GRIN3A: variants seen among roughly 807,000 people sequenced by gnomAD.
GRIN3A encodes the protein glutamate ionotropic receptor NMDA type subunit 3A, also known as glutamate receptor ionotropic, NMDA 3A.
In GRIN3A, 47 loss-of-function variants were observed where a neutral mutation model predicts 92.4. The observed-to-expected ratio is 0.51, with a 90% confidence interval of 0.40 to 0.65. GRIN3A has a LOEUF of 0.65. GRIN3A is among the 30% of genes least tolerant of loss of function. The pLI is 0.00. For synonymous variants in GRIN3A, 527 were observed against 540.6 expected (o/e 0.97, Z 0.35); for missense variants, 1,324 against 1,393.1 (o/e 0.95, Z 0.79).
chr9:101,645,060 T>A lies in GRIN3A; in HGVS notation c.2353-16659A>T, dbSNP rs72745364. ...TTTGAAATATAATATAAACTATTGT[T>A]AACTACAGTCACCCTACTGTGCTAC... On this transcript the variant is annotated intron_variant, in intron 3 of 8. Transcript: ENST00000361820. Among the ~76,000 whole-genome samples, 559 of 152,070 alleles carry A rather than the reference T, an allele frequency of 3.7e-3. 3 individuals carry two copies. The highest frequency in any genetic ancestry group is 4.7e-3 in the Non-Finnish European group (321 of 67,880).
intron 8 of GRIN3A, 144 bp downstream of exon 8, chr9:101,577,624 C>T: frequency 1.4e-6 from 1 of 704,794 alleles, no homozygotes; most frequent in South Asian, 1.5e-5. Flanking sequence ...TGTCCATATA[C>T]ATTTTTTATT....
chr9:101,706,370 T>C (rs1329340596), intron 1 of GRIN3A, among the ~76,000 whole-genome samples: 4 of 152,226 alleles, frequency 2.6e-5, no homozygotes, highest in Non-Finnish European at 5.9e-5. Flanking sequence ...ATGACTTCCA[T>C]GGGTGGCCAT....
At chr9:101,623,461 G>A in intron 4 of GRIN3A, 28 bp from the exon 5 acceptor site, 1 of 1,433,690 alleles carries the variant, frequency 7.0e-7, no homozygotes, top group Non-Finnish European at 9.8e-7. Context: ...GGAGAAAAGT[G>A]AAAATGATTC....
At chr9:101,676,231 A>G (rs1015580924) in intron 2 of GRIN3A, among the ~76,000 whole-genome samples, 2 of 151,722 alleles carry the variant, frequency 1.3e-5, no homozygotes, top group Non-Finnish European at 2.9e-5. Context: ...TTCTACTTCA[A>G]TCATTTTTCA....
chr9:101,638,295 A>T (rs1172006103), intron 3 of GRIN3A, among the ~76,000 whole-genome samples: 1 of 152,196 alleles, frequency 6.6e-6, no homozygotes, highest in Non-Finnish European at 1.5e-5. Flanking sequence ...AATCATTGCT[A>T]TTCTGCTGCA....
intron 2 of GRIN3A, among the ~76,000 whole-genome samples, chr9:101,681,609 G>T (rs1427429065): frequency 6.6e-6 from 1 of 152,124 alleles, no homozygotes; most frequent in South Asian, 2.1e-4. Flanking sequence ...TCATTTACAG[G>T]ATCCAAGTCC....
intron 6 of GRIN3A, among the ~76,000 whole-genome samples, chr9:101,585,926 T>C (rs1827945305): frequency 6.6e-6 from 1 of 152,214 alleles, no homozygotes; most frequent in African/African-American, 2.4e-5. Flanking sequence ...TATTTCCTCA[T>C]ATCCTTCTTC....
chr9:101,579,382 A>G (rs779084951), intron 6 of GRIN3A, 22 bp from the exon 7 acceptor site: 49 of 1,613,078 alleles, frequency 3.0e-5, no homozygotes, highest in Non-Finnish European at 4.2e-5. Flanking sequence ...TAGGAAAGAA[A>G]AGGCCATGAA....
chr9:101,591,446 T>A (rs138967611), intron 6 of GRIN3A, among the ~76,000 whole-genome samples: 11 of 152,338 alleles, frequency 7.2e-5, no homozygotes, highest in African/African-American at 2.6e-4. Context: ...TCAGAAAGCC[T>A]GGTTCAAATC....
chr9:101,628,728 A>G (rs1055563134), intron 3 of GRIN3A, among the ~76,000 whole-genome samples: 1 of 152,226 alleles, frequency 6.6e-6, no homozygotes, highest in African/African-American at 2.4e-5. Context: ...TGCATATCAG[A>G]CAAAGTGTAC....
Position 101,670,771 on chromosome 9 carries a change from C to T in GRIN3A, c.1641G>A (p.Met547Ile). 6.2e-7 allele frequency: 1 copy of T among 1,614,084 alleles called. No homozygotes were observed. Among genetic ancestry groups the T allele is most frequent in the Non-Finnish European group, 8.5e-7 (1 of 1,179,968 alleles). The change falls in exon 3 of 9, where the codon ATG (methionine) becomes ATA (isoleucine). Residue 547 changes from methionine to isoleucine, a missense_variant. Coordinates refer to ENST00000361820, the MANE Select transcript of GRIN3A (RefSeq NM_133445.3). Reference protein sequence around the residue: ...CPAGQLCLDPMTNDSSTLDSL... With the variant: ...CPAGQLCLDPITNDSSTLDSL... The stretch of plus-strand genomic sequence containing the variant: ...TGTCCAATGTGGAAGAGTCATTAGT[C>T]ATGGGGTCTAGACAGAGTTGGCCAG...
At chr9:101,613,283 A>C in intron 6 of GRIN3A, 93 bp downstream of exon 6, 1 of 1,310,384 alleles carries the variant, frequency 7.6e-7, no homozygotes, top group Non-Finnish European at 1.1e-6. Context: ...AAATGCAATA[A>C]CCTAGATGAT....
intron 5 of GRIN3A, among the ~76,000 whole-genome samples, chr9:101,621,375 T>C (rs1828552361): frequency 6.6e-6 from 1 of 152,196 alleles, no homozygotes. Flanking sequence ...TTGTTTCGTG[T>C]AATTTATACG....
At chr9:101,617,223 A>AG (rs1564127500) in intron 5 of GRIN3A, among the ~76,000 whole-genome samples, 2 of 151,182 alleles carry the variant, frequency 1.3e-5, no homozygotes, top group African/African-American at 2.4e-5. Flanking sequence ...AAAAAAAAAA[A>AG]AAAGAAAATT....
chr9:101,584,345 A>T (rs1271166761), intron 6 of GRIN3A, among the ~76,000 whole-genome samples: 2 of 152,166 alleles, frequency 1.3e-5, no homozygotes, highest in Admixed American at 6.6e-5. Context: ...TTAGCATTTT[A>T]TTGTTAATTT....
In GRIN3A at chr9:101,687,103, C is replaced by G. The variant is rs766332665; in HGVS notation, c.797G>C (p.Ser266Thr). ...ILTMNNWYNFSLLLCQEDWNI... is the reference protein window; with the variant it reads ...ILTMNNWYNFTLLLCQEDWNI... ...CCAGTCTTCCTGGCACAGCAACAAG[C>G]TAAAATTGTACCAGTTGTTCATGGT... is the stretch of plus-strand genomic sequence containing the variant. The change falls in exon 2 of 9, where the codon AGC becomes ACC. Residue 266 changes from serine (S) to threonine (T), a missense_variant. Coordinates refer to ENST00000361820, the MANE Select transcript of GRIN3A (RefSeq NM_133445.3). The G allele has an allele frequency of 1.1e-5, 18 of 1,613,954 alleles. No individual in the cohort carries two copies. The highest frequency in any genetic ancestry group is 1.5e-5 in the Non-Finnish European group (18 of 1,180,014).
At chr9:101,633,092 C>T (rs954213190) in intron 3 of GRIN3A, among the ~76,000 whole-genome samples, 1 of 152,110 alleles carries the variant, frequency 6.6e-6, no homozygotes, top group Non-Finnish European at 1.5e-5. Context: ...CCCGAGAAAG[C>T]AGAGAAATGG....
chr9:101,657,362 A>G (rs1371264238), intron 3 of GRIN3A, among the ~76,000 whole-genome samples: 1 of 151,948 alleles, frequency 6.6e-6, no homozygotes, highest in Non-Finnish European at 1.5e-5. Context: ...TCTTTCCTTA[A>G]CACTAATACC....
rs1468084638 is a variant in GRIN3A, at chr9:101,691,644, G to T, written c.700-4444C>A. On this transcript the variant is annotated intron_variant, in intron 1 of 8. Transcript: ENST00000361820. Reference sequence around the variant, plus strand: ...CTGTCTTCCTAGTCTCAGATAAATGGTTGGAGCCACCATCTGCTTCTATAT... The same window carrying T: ...CTGTCTTCCTAGTCTCAGATAAATGTTTGGAGCCACCATCTGCTTCTATAT... Among the ~76,000 whole-genome samples the T allele has an allele frequency of 2.6e-5, 4 of 152,236 alleles. 1 individual carries two copies. Among genetic ancestry groups the T allele is most frequent in the African/African-American group, 9.6e-5 (4 of 41,548 alleles).
Sources: allele counts gnomAD v4.1 joint callset (sites outside exome capture counted in the v4.1 genomes callset), GRCh38; gene constraint gnomAD v4.1.1; transcripts MANE v1.5; gene names NCBI Gene and HGNC (gene_info 2026-07-23, HGNC 2026-07-21).